The following CRACD variants were observed in gnomAD, a reference collection of about 807,000 sequenced individuals.
The protein encoded by CRACD is capping protein-inhibiting regulator of actin dynamics.
In CRACD, 56 loss-of-function variants were observed where a neutral mutation model predicts 106.8. The ratio of observed to expected loss-of-function variants is 0.52; its 90% CI spans 0.42 to 0.66. CRACD has a LOEUF of 0.66. CRACD is among the 30% of genes least tolerant of loss of function. CRACD has a pLI of 0.00. For synonymous variants in CRACD, 754 were observed against 670.8 expected (o/e 1.12, Z -1.92); for missense variants, 1,730 against 1,623.2 (o/e 1.07, Z -1.13).
At chr4:56,165,908 T>C (rs1339918248) in intron 1 of CRACD, among the ~76,000 whole-genome samples, 1 of 152,244 alleles carries the variant, frequency 6.6e-6, no homozygotes. Context: ...TTGCCCAGCC[T>C]GCAGTGTAGT....
At chr4:56,154,477 A>G (rs1735701061) in intron 1 of CRACD, among the ~76,000 whole-genome samples, 2 of 151,518 alleles carry the variant, frequency 1.3e-5, no homozygotes, top group South Asian at 4.2e-4. Context: ...AAATAAATAA[A>G]TAAGATTGTT....
chr4:56,189,470 C>T (rs1737261935), intron 2 of CRACD, among the ~76,000 whole-genome samples: 1 of 151,414 alleles, frequency 6.6e-6, no homozygotes, highest in Non-Finnish European at 1.5e-5. Context: ...CATATGTATA[C>T]ATGTACCATG....
intron 1 of CRACD, among the ~76,000 whole-genome samples, chr4:56,166,759 G>GA (rs1736173004): frequency 6.6e-6 from 1 of 151,460 alleles, no homozygotes; most frequent in African/African-American, 2.4e-5. Context: ...TAGTAGCATG[G>GA]AAAAATACAA....
At chr4:56,141,050 G>A (rs1197703902) in intron 1 of CRACD, among the ~76,000 whole-genome samples, 1 of 152,184 alleles carries the variant, frequency 6.6e-6, no homozygotes, top group Non-Finnish European at 1.5e-5. Context: ...AGTGAAAGAG[G>A]AGGGCTTGTG....
At chr4:56,304,547 G>A (rs1301812741) in intron 4 of CRACD, among the ~76,000 whole-genome samples, 1 of 152,098 alleles carries the variant, frequency 6.6e-6, no homozygotes, top group Non-Finnish European at 1.5e-5. Flanking sequence ...GGAGGCGGAG[G>A]CAGGAGGACT....
In CRACD at chr4:56,136,928, C is replaced by T. The variant is rs117541146; in HGVS notation, c.-335-42356C>T. On this transcript the variant is annotated intron_variant, in intron 1 of 10. Transcript: ENST00000682029. ...GATCCACTGCATATTAACTTTTGTGCGCTGTGTGATGTATGGATTGAGCAA... is the reference window on the plus strand; with the variant it reads ...GATCCACTGCATATTAACTTTTGTGTGCTGTGTGATGTATGGATTGAGCAA... Among the ~76,000 whole-genome samples the T allele has an allele frequency of 2.1e-4, 32 of 152,216 alleles. No homozygotes were observed. The East Asian group carries it at 2.5e-3, about 12-fold the overall frequency.
At chr4:56,218,720 G>A (rs145274322) in intron 2 of CRACD, among the ~76,000 whole-genome samples, 4 of 151,488 alleles carry the variant, frequency 2.6e-5, no homozygotes, top group African/African-American at 9.7e-5. Context: ...CAATTCTCTC[G>A]CTTCAGCCCC....
At position 56,314,396 on chromosome 4, in the gene CRACD, A is replaced by G. The variant is rs1490335672; in HGVS notation, c.894A>G (p.Pro298=). ...REEQQRSLEA[P]GWEDAERRER... ...AGCAGCAGCGGAGCCTGGAAGCGCCAGGTTGGGAGGACGCGGAGCGGAGGG... is the reference window on the plus strand; with the variant it reads ...AGCAGCAGCGGAGCCTGGAAGCGCCGGGTTGGGAGGACGCGGAGCGGAGGG... The change falls in exon 8 of 11, where the codon CCA becomes CCG. Residue 298 remains proline (P), a synonymous_variant. Transcript: ENST00000682029. This position sits in a 1 kb window ranked among gnomAD's most constrained non-coding sequence, Gnocchi z 4.4. 6.5e-6 allele frequency: 7 copies of G among 1,080,160 alleles called. No individual in the cohort carries two copies. In the Admixed American group the frequency reaches 1.3e-4, roughly 20 times the overall value. The allele number at this position is 1,080,160 out of a possible 1,614,324, so 66.9% of individuals were successfully genotyped here.
intron 1 of CRACD, among the ~76,000 whole-genome samples, chr4:56,164,124 G>A (rs1335270636): frequency 1.4e-5 from 2 of 145,898 alleles, no homozygotes; most frequent in African/African-American, 5.3e-5. Context: ...ACTTTTGCTG[G>A]TACAGGAGAT....
Position 56,081,450 on chromosome 4 carries a change from C to G in CRACD, c.-336+32151C>G, listed in dbSNP as rs531834565. Among the ~76,000 whole-genome samples, 7 of 152,106 alleles carry G rather than the reference C, an allele frequency of 4.6e-5. No homozygotes were observed. The South Asian group carries it at 1.5e-3, about 32-fold the overall frequency. On this transcript the variant is annotated intron_variant, in intron 1 of 10. Coordinates refer to ENST00000682029, the MANE Select transcript of CRACD (RefSeq NM_001393381.1). ...TAATATTTGTGGTTGGTGGTGATGT[C>G]ATGAAGTGTTAAATAATATTTAAAG...
At chr4:56,082,212 A>G (rs923161071) in intron 1 of CRACD, among the ~76,000 whole-genome samples, 1 of 152,186 alleles carries the variant, frequency 6.6e-6, no homozygotes, top group Non-Finnish European at 1.5e-5. Flanking sequence ...TAAGGAACCA[A>G]CCATGCAGCA....
chr4:56,142,901 A>C (rs1735255081), intron 1 of CRACD, among the ~76,000 whole-genome samples: 1 of 151,986 alleles, frequency 6.6e-6, no homozygotes, highest in African/African-American at 2.4e-5. Flanking sequence ...ATTATTTTGG[A>C]TATTACTGTT....
rs1366128041 is a variant in CRACD, at chr4:56,067,276, G to C, written c.-336+17977G>C. Among the ~76,000 whole-genome samples the C allele has an allele frequency of 2.0e-5, 3 of 152,190 alleles. No individual in the cohort carries two copies. The East Asian group carries it at 5.8e-4, about 29-fold the overall frequency. The stretch of plus-strand genomic sequence containing the variant: ...AAGGAGAAGAGGATTTATTAGAGGT[G>C]GGGAAGGTGAGAAAGGCTGAGTATT... On this transcript the variant is annotated intron_variant, in intron 1 of 10. Coordinates refer to ENST00000682029, the MANE Select transcript of CRACD (RefSeq NM_001393381.1).
intron 1 of CRACD, among the ~76,000 whole-genome samples, chr4:56,151,195 C>T (rs1270813305): frequency 6.6e-6 from 1 of 152,068 alleles, no homozygotes; most frequent in Non-Finnish European, 1.5e-5. Flanking sequence ...CGGGGTTTTG[C>T]CATGATGGCC....
Position 56,310,787 on chromosome 4 carries a change from CT to C in CRACD, c.354+55del, listed in dbSNP as rs1276396924. The C allele has an allele frequency of 2.7e-4, 287 of 1,074,678 alleles. 1 individual carries two copies. Among genetic ancestry groups the C allele is most frequent in the Non-Finnish European group, 3.2e-4 (231 of 725,886 alleles). The allele number at this position is 1,074,678 out of a possible 1,614,324, so 66.6% of individuals were successfully genotyped here. A position where few individuals can be genotyped will look rare whatever the true frequency, so the allele number is the denominator to read the frequency against. ...GCTTCTTTCCTTACTTAACTTTCATCTTCCCCCCCCCTTTTTTTTTTTTGCG... is the reference window on the plus strand; with the variant it reads ...GCTTCTTTCCTTACTTAACTTTCATCTCCCCCCCCCTTTTTTTTTTTTGCG... On this transcript the variant is annotated intron_variant, in intron 6 of 10. Transcript: ENST00000682029.
chr4:56,147,539 T>G (rs893137475), intron 1 of CRACD, among the ~76,000 whole-genome samples: 7 of 152,202 alleles, frequency 4.6e-5, no homozygotes, highest in African/African-American at 1.4e-4. Context: ...TGACCTTTGG[T>G]GTCTGGCTTC....
intron 1 of CRACD, among the ~76,000 whole-genome samples, chr4:56,158,123 C>G (rs1375858770): frequency 6.6e-6 from 1 of 152,202 alleles, no homozygotes; most frequent in Non-Finnish European, 1.5e-5. Context: ...CCTAAAACAA[C>G]TACTCATACT....
intron 2 of CRACD, among the ~76,000 whole-genome samples, chr4:56,254,262 A>G (rs1741213133): frequency 6.6e-6 from 1 of 152,210 alleles, no homozygotes; most frequent in Non-Finnish European, 1.5e-5. Flanking sequence ...GCCAAAAGAC[A>G]TAAACTGTGT....
intron 2 of CRACD, among the ~76,000 whole-genome samples, chr4:56,188,713 G>T (rs12649135): frequency 1.0e-5 from 1 of 95,582 alleles, no homozygotes; most frequent in East Asian, 2.7e-4. Context: ...CACACACACA[G>T]AGAGAGAGAG....
Sources: allele counts gnomAD v4.1 joint callset (sites outside exome capture counted in the v4.1 genomes callset), GRCh38; gene constraint gnomAD v4.1.1; non-coding constraint Gnocchi (gnomAD v3.1); transcripts MANE v1.5; gene names NCBI Gene and HGNC (gene_info 2026-07-23, HGNC 2026-07-21).